Variants in GOLIM4 observed in about 807,000 individuals in gnomAD.
The protein encoded by GOLIM4 is golgi integral membrane protein 4, also known as 130 kDa golgi-localized phosphoprotein.
A neutral mutation model predicts 107.4 loss-of-function variants in GOLIM4; 71 were observed. That is an observed-to-expected ratio of 0.66 (90% confidence interval 0.55 to 0.81). The LOEUF (loss-of-function observed/expected upper bound fraction) is 0.81. Among genes scored for constraint, GOLIM4 ranks in the 30% least tolerant of loss-of-function variants. GOLIM4 has a pLI of 0.00. For synonymous variants in GOLIM4, 327 were observed against 294.8 expected (o/e 1.11, Z -1.12); for missense variants, 830 against 826.1 (o/e 1.00, Z -0.06).
chr3:168,063,512 T>G (rs1018939086), intron 1 of GOLIM4, among the ~76,000 whole-genome samples: 13 of 152,134 alleles, frequency 8.5e-5, no homozygotes, highest in African/African-American at 3.1e-4. Context: ...TGATGTGCTA[T>G]GAAGAATACA....
At chr3:168,017,494 A>G (rs904884484) in intron 14 of GOLIM4, among the ~76,000 whole-genome samples, 1 of 152,148 alleles carries the variant, frequency 6.6e-6, no homozygotes, top group Non-Finnish European at 1.5e-5. Flanking sequence ...TGTCTCCCCA[A>G]AAATAAAATA....
intron 14 of GOLIM4, among the ~76,000 whole-genome samples, chr3:168,012,871 C>A (rs1250329233): frequency 3.3e-5 from 5 of 151,982 alleles, no homozygotes; most frequent in Non-Finnish European, 5.9e-5. Flanking sequence ...GCCTGCCCTA[C>A]AAGAGCTCCT....
Position 168,067,829 on chromosome 3 carries a change from T to C in GOLIM4, c.188-19464A>G, listed in dbSNP as rs918752281. Among the ~76,000 whole-genome samples, 5 of 152,138 alleles carry C rather than the reference T, an allele frequency of 3.3e-5. No homozygotes were observed. In the East Asian group the frequency reaches 7.7e-4, roughly 23 times the overall value. ...AAAATAAAAACAAGGCCAGGATTCATTAAAAATTCCCATAAGGCAGAAAGA... is the reference window on the plus strand; with the variant it reads ...AAAATAAAAACAAGGCCAGGATTCACTAAAAATTCCCATAAGGCAGAAAGA... On this transcript the variant is annotated intron_variant, in intron 1 of 15. Transcript: ENST00000470487.
Position 168,010,126 on chromosome 3 carries a change from G to T in GOLIM4, c.*143C>A. 1 of 611,366 alleles carries T rather than the reference G, an allele frequency of 1.6e-6. No homozygotes were observed. The highest frequency in any genetic ancestry group is 2.8e-6 in the Non-Finnish European group (1 of 357,768). The allele number at this position is 611,366 out of a possible 1,614,324, so 37.9% of individuals were successfully genotyped here. A position where few individuals can be genotyped will look rare whatever the true frequency, so the allele number is the denominator to read the frequency against. On this transcript the variant is annotated 3_prime_UTR_variant, in exon 16 of 16. Coordinates refer to ENST00000470487, the MANE Select transcript of GOLIM4 (RefSeq NM_014498.5). The stretch of plus-strand genomic sequence containing the variant: ...TCAAAATATATTCATATAAATGTAT[G>T]CGCATTTCTAATACAAAAGTTTTAA...
At chr3:168,067,942 GT>G (rs1432939812) in intron 1 of GOLIM4, among the ~76,000 whole-genome samples, 1 of 151,690 alleles carries the variant, frequency 6.6e-6, no homozygotes, top group African/African-American at 2.4e-5. Flanking sequence ...TTCTTTCAGA[GT>G]TTTTTTTAAT....
At chr3:168,062,046 TTTG>T (rs1414884464) in intron 1 of GOLIM4, among the ~76,000 whole-genome samples, 5 of 152,346 alleles carry the variant, frequency 3.3e-5, no homozygotes, top group African/African-American at 1.2e-4. Context: ...ACATCATGCA[TTTG>T]TTATTTTTAG....
At position 168,020,571 on chromosome 3, in the gene GOLIM4, T is replaced by C. The variant is rs1012587769; in HGVS notation, c.1860+3955A>G. Among the ~76,000 whole-genome samples the C allele has an allele frequency of 3.3e-5, 5 of 152,316 alleles. No homozygotes were observed. In the South Asian group the frequency reaches 1.0e-3, roughly 32 times the overall value. ...GACAAAGAACTATTTCCTTGAGTAA[T>C]GGATGCTAGGTTATCTCATTAGTCT... On this transcript the variant is annotated intron_variant, in intron 14 of 15. Coordinates refer to ENST00000470487, the MANE Select transcript of GOLIM4 (RefSeq NM_014498.5).
chr3:168,072,106 T>C (rs1720863802), intron 1 of GOLIM4, among the ~76,000 whole-genome samples: 1 of 152,156 alleles, frequency 6.6e-6, no homozygotes, highest in Non-Finnish European at 1.5e-5. Flanking sequence ...CGCCCCAAAT[T>C]GCACTGATGA....
chr3:168,084,401 C>T (rs375869100), intron 1 of GOLIM4, among the ~76,000 whole-genome samples: 1 of 152,102 alleles, frequency 6.6e-6, no homozygotes, highest in African/African-American at 2.4e-5. Context: ...GTTATGATAT[C>T]GTGACGTATT....
rs565678272 is a variant in GOLIM4 at position 168,041,178 on chromosome 3, A to C, written c.600+214T>G. 3 of 518,100 alleles carry C rather than the reference A, an allele frequency of 5.8e-6. No individual in the cohort carries two copies. In the East Asian group the frequency reaches 9.1e-5, roughly 16 times the overall value. 32.1% of individuals were successfully genotyped at this position (518,100 alleles called of 1,614,324 possible). A position where few individuals can be genotyped will look rare whatever the true frequency, so the allele number is the denominator to read the frequency against. On this transcript the variant is annotated intron_variant, in intron 6 of 15. Transcript: ENST00000470487. Reference sequence around the variant, plus strand: ...TTAATATGTAACTAGCATGAGAATAATTTCAGTACTAATGAGAATATTCAG... The same window carrying C: ...TTAATATGTAACTAGCATGAGAATACTTTCAGTACTAATGAGAATATTCAG...
intron 1 of GOLIM4, among the ~76,000 whole-genome samples, chr3:168,086,374 A>G (rs1721621958): frequency 6.6e-6 from 1 of 152,190 alleles, no homozygotes; most frequent in South Asian, 2.1e-4. Flanking sequence ...CACATAAGCA[A>G]TGTCAAAGCT....
intron 1 of GOLIM4, among the ~76,000 whole-genome samples, chr3:168,077,246 G>T (rs1721121917): frequency 6.6e-6 from 1 of 152,104 alleles, no homozygotes; most frequent in Non-Finnish European, 1.5e-5. Flanking sequence ...CATGCATTCT[G>T]CAGTGCTTAC....
At chr3:168,040,935 C>A in intron 6 of GOLIM4, 66 bp from the exon 7 acceptor site, 1 of 974,294 alleles carries the variant, frequency 1.0e-6, no homozygotes, top group Non-Finnish European at 1.6e-6. Context: ...TTTGGCTGAT[C>A]GTGATATGGC....
At chr3:168,051,588 A>G (rs992297311) in intron 1 of GOLIM4, among the ~76,000 whole-genome samples, 1 of 152,230 alleles carries the variant, frequency 6.6e-6, no homozygotes. Context: ...TGTTAACGCA[A>G]GAAGAATGTA....
At chr3:168,044,217 C>T (rs1383636697) in intron 4 of GOLIM4, among the ~76,000 whole-genome samples, 1 of 152,074 alleles carries the variant, frequency 6.6e-6, no homozygotes, top group Middle Eastern at 3.2e-3. Flanking sequence ...AAGACAATAG[C>T]AAACAGAAAG....
intron 1 of GOLIM4, among the ~76,000 whole-genome samples, chr3:168,053,174 G>A (rs983756972): frequency 7.2e-5 from 11 of 152,126 alleles, no homozygotes; most frequent in Non-Finnish European, 1.3e-4. Flanking sequence ...AAAGTCACAC[G>A]AGAAATCAGC....
intron 1 of GOLIM4, among the ~76,000 whole-genome samples, chr3:168,079,803 A>C (rs193117392): frequency 6.6e-6 from 1 of 152,276 alleles, no homozygotes; most frequent in Admixed American, 6.5e-5. Flanking sequence ...AAAATATATC[A>C]TTAATTTTAC....
chr3:168,073,568 T>C (rs748909896), intron 1 of GOLIM4, among the ~76,000 whole-genome samples: 4 of 152,198 alleles, frequency 2.6e-5, no homozygotes, highest in Non-Finnish European at 4.4e-5. Context: ...TAAAGGTCCT[T>C]ACAATCGCAT....
At chr3:168,026,056 GTA>G (rs1321995733) in intron 12 of GOLIM4, among the ~76,000 whole-genome samples, 1 of 152,150 alleles carries the variant, frequency 6.6e-6, no homozygotes, top group African/African-American at 2.4e-5. Context: ...GTCTCTATCA[GTA>G]TTCTCCAGAC....
Sources: allele counts gnomAD v4.1 joint callset (sites outside exome capture counted in the v4.1 genomes callset), GRCh38; gene constraint gnomAD v4.1.1; transcripts MANE v1.5; gene names NCBI Gene and HGNC (gene_info 2026-07-23, HGNC 2026-07-21).